The following WDR4 variants were observed in gnomAD, a reference collection of about 807,000 sequenced individuals.
WDR4 encodes WDR4 tRNA N7-guanosine methyltransferase non-catalytic subunit.
Under a neutral mutation model 48.6 loss-of-function variants are expected in WDR4, and 47 were observed. The ratio of observed to expected loss-of-function variants is 0.97; its 90% CI spans 0.77 to 1.23. The LOEUF (loss-of-function observed/expected upper bound fraction) is 1.23, where lower values mean the gene tolerates loss of function less well. WDR4 is among the 50% of genes most tolerant of loss of function. WDR4 has a pLI of 0.00. For synonymous variants in WDR4, 268 were observed against 230.0 expected, an observed-to-expected ratio of 1.17 and a Z score of -1.49; for missense variants, 606 against 551.6, an observed-to-expected ratio of 1.10 and a Z score of -0.99.
At chr21:42,865,297 G>A (rs1296471389) in intron 3 of WDR4, among the ~76,000 whole-genome samples, 3 of 152,178 alleles carry the variant, frequency 2.0e-5, no homozygotes, top group Non-Finnish European at 2.9e-5. Flanking sequence ...TAAACAAACA[G>A]CCCTGCACTG....
chr21:42,878,884 C>T (rs1569340162), intron 1 of WDR4: 2 of 902,404 alleles, frequency 2.2e-6, no homozygotes, highest in Non-Finnish European at 2.7e-6. Flanking sequence ...GCAATTAAGG[C>T]CAGGTGAGTG....
At position 42,854,584 on chromosome 21, in the gene WDR4, A is replaced by G; in HGVS notation, c.769T>C (p.Cys257Arg). 6.2e-7 allele frequency: 1 copy of G among 1,613,890 alleles called. No individual in the cohort carries two copies. Among genetic ancestry groups the G allele is most frequent in the Non-Finnish European group, 8.5e-7 (1 of 1,179,950 alleles). The change falls in exon 8 of 11, where the codon TGC becomes CGC. Residue 257 changes from cysteine to arginine, a missense_variant. By Grantham distance (180) the Cys-to-Arg change is radical. Transcript: ENST00000398208. ...TACCCGTCGCACAGGAGCGCCACGC[A>G]GTTCTCCTGGCACCAGAATGCAATC... ...SRIAFWCQEN[C>R]VALLCDGTPV...
intron 9 of WDR4, among the ~76,000 whole-genome samples, chr21:42,852,627 G>A (rs1455019739): frequency 6.6e-6 from 1 of 152,250 alleles, no homozygotes; most frequent in Non-Finnish European, 1.5e-5. Context: ...GCTTAAAAGT[G>A]CTTCCAGGTC....
rs1327914112 is a variant in WDR4 at position 42,878,966 on chromosome 21, CAGTG to C, written c.89+437_89+440del. The C allele has an allele frequency of 3.5e-5, 35 of 994,176 alleles. No homozygotes were observed. The Middle Eastern group carries it at 1.5e-3, about 43-fold the overall frequency. The allele number at this position is 994,176 out of a possible 1,614,324, so 61.6% of individuals were successfully genotyped here. A position where few individuals can be genotyped will look rare whatever the true frequency, so the allele number is the denominator to read the frequency against. On this transcript the variant is annotated intron_variant, in intron 1 of 10. Coordinates refer to ENST00000398208, the MANE Select transcript of WDR4 (RefSeq NM_018669.6). Reference sequence around the variant, plus strand: ...GCGCGCTTGGAGGTCAGTGAGCTCGCAGTGAGTAAGCCCCTCCCTTCTCACCAGG... The same window carrying C: ...GCGCGCTTGGAGGTCAGTGAGCTCGCAGTAAGCCCCTCCCTTCTCACCAGG...
Position 42,863,562 on chromosome 21 carries a change from T to C in WDR4, c.331A>G (p.Ile111Val). The change falls in exon 4 of 11, where the codon ATA (isoleucine) becomes GTA (valine). Residue 111 changes from isoleucine to valine, a missense_variant. Coordinates refer to ENST00000398208, the MANE Select transcript of WDR4 (RefSeq NM_018669.6). The part of the protein sequence containing the change: ...VARRCTALTF[I>V]ASEEKVLVAD... ...ACCAAGACCTTCTCCTCCGAGGCTA[T>C]GAAAGTCAGGGCTGTACACCTCCTT... 1 of 1,613,518 alleles carries C rather than the reference T, an allele frequency of 6.2e-7. No individual in the cohort carries two copies. The highest frequency in any genetic ancestry group is 8.5e-7 in the Non-Finnish European group (1 of 1,179,904).
downstream of WDR4, among the ~76,000 whole-genome samples, chr21:42,848,876 C>T (rs1187607537): frequency 1.2e-5 from 1 of 85,844 alleles, no homozygotes; most frequent in African/African-American, 7.5e-5. Flanking sequence ...CTCACACACA[C>T]AGCGCACGAT....
rs976247954 is a variant in WDR4 at position 42,849,434 on chromosome 21, C to G, written c.*615G>C. 1 of 152,344 alleles carries G rather than the reference C, an allele frequency of 6.6e-6. No individual in the cohort carries two copies. Among genetic ancestry groups the G allele is most frequent in the African/African-American group, 2.4e-5 (1 of 41,440 alleles). 9.4% of individuals were successfully genotyped at this position (152,344 alleles called of 1,614,324 possible). Reference sequence around the variant, plus strand: ...GTGCTCACACTTCCTGAAACAAGTTCACCATCTGTGCCACCGATGCCAGAC... The same window carrying G: ...GTGCTCACACTTCCTGAAACAAGTTGACCATCTGTGCCACCGATGCCAGAC... On this transcript the variant is annotated 3_prime_UTR_variant, in exon 11 of 11. Coordinates refer to ENST00000398208, the MANE Select transcript of WDR4 (RefSeq NM_018669.6).
chr21:42,879,449 ACCAC>A lies in WDR4; in HGVS notation c.43_46del (p.Val15CysfsTer12). 6.2e-7 allele frequency: 1 copy of A among 1,613,510 alleles called. No homozygotes were observed. Among genetic ancestry groups the A allele is most frequent in the Non-Finnish European group, 8.5e-7 (1 of 1,179,828 alleles). On this transcript the variant is annotated frameshift_variant, in exon 1 of 11. Coordinates refer to ENST00000398208, the MANE Select transcript of WDR4 (RefSeq NM_018669.6). LOFTEE classifies it high-confidence loss of function. ...GGCCAGGAATCGGCTGCCGCCCCGC[ACCAC>A]CAACGTCTGCCCGCACAACGCCAGT...
intron 3 of WDR4, among the ~76,000 whole-genome samples, chr21:42,864,072 A>G (rs2058188875): frequency 4.0e-5 from 3 of 75,182 alleles, no homozygotes; most frequent in South Asian, 4.1e-4. Context: ...CCGCCACCGC[A>G]CTCCAGCCTG....
intron 3 of WDR4, among the ~76,000 whole-genome samples, chr21:42,868,214 G>A (rs983722133): frequency 2.0e-5 from 3 of 152,152 alleles, no homozygotes; most frequent in Admixed American, 6.5e-5. Context: ...GGGCCTCCGC[G>A]CTTCCATCAG....
the WDR4 span, among the ~76,000 whole-genome samples, chr21:42,892,871 C>T: frequency 2.0e-5 from 3 of 152,200 alleles, no homozygotes; most frequent in Non-Finnish European, 4.4e-5. Flanking sequence ...AGCTGAAGAG[C>T]TTTAAAACCT....
chr21:42,868,643 C>T (rs1325323683), intron 3 of WDR4, among the ~76,000 whole-genome samples: 4 of 152,268 alleles, frequency 2.6e-5, no homozygotes, highest in Admixed American at 2.0e-4. Flanking sequence ...AGAGTAGGGG[C>T]CTTGGGCCCC....
Position 42,849,885 on chromosome 21 carries a change from G to C in WDR4, c.*164C>G. On this transcript the variant is annotated 3_prime_UTR_variant, in exon 11 of 11. Transcript: ENST00000398208. ...AGGCACCCAGCAAGAGCCTGTGCTG[G>C]TGACACAGAATGTTCTTTCTAGAGC... 1.2e-6 allele frequency: 1 copy of C among 830,510 alleles called. No homozygotes were observed. Among genetic ancestry groups the C allele is most frequent in the Admixed American group, 2.8e-5 (1 of 36,276 alleles). 51.4% of individuals were successfully genotyped at this position (830,510 alleles called of 1,614,324 possible).
chr21:42,856,397 T>C (rs911635837), intron 6 of WDR4, among the ~76,000 whole-genome samples: 5 of 152,186 alleles, frequency 3.3e-5, no homozygotes, highest in Non-Finnish European at 7.3e-5. Flanking sequence ...TGTTGTTATT[T>C]TTTTGTTGTT....
downstream of WDR4, among the ~76,000 whole-genome samples, chr21:42,844,689 C>A (rs1382032927): frequency 1.3e-5 from 2 of 152,212 alleles, no homozygotes; most frequent in Non-Finnish European, 2.9e-5. Context: ...AAGCCCGGGG[C>A]AGGAGTGCCA....
chr21:42,865,001 G>A (rs534769731), intron 3 of WDR4, among the ~76,000 whole-genome samples: 3 of 152,270 alleles, frequency 2.0e-5, no homozygotes, highest in East Asian at 1.9e-4. Flanking sequence ...GGCCCACTGC[G>A]GCTGGAAATT....
chr21:42,868,647 G>A (rs1287525646), intron 3 of WDR4, among the ~76,000 whole-genome samples: 18 of 152,226 alleles, frequency 1.2e-4, no homozygotes, highest in Non-Finnish European at 4.4e-5. Context: ...TAGGGGCCTT[G>A]GGCCCCACAG....
intron 3 of WDR4, among the ~76,000 whole-genome samples, chr21:42,864,975 C>A (rs1228842340): frequency 1.3e-5 from 2 of 152,214 alleles, no homozygotes; most frequent in Non-Finnish European, 2.9e-5. Flanking sequence ...ACCAGGCAGA[C>A]AAGTACAGGG....
downstream of WDR4, among the ~76,000 whole-genome samples, chr21:42,845,020 C>G (rs2057698735): frequency 1.3e-5 from 2 of 152,190 alleles, no homozygotes; most frequent in African/African-American, 2.4e-5. Flanking sequence ...AGGGCCCAGC[C>G]CAGGGTCACA....
Sources: gnomAD v4.1 joint callset for allele counts (sites outside exome capture counted in the v4.1 genomes callset) on GRCh38, gnomAD v4.1.1 for gene constraint, MANE v1.5 for transcripts, NCBI Gene and HGNC (gene_info 2026-07-23, HGNC 2026-07-21) for gene names.